The following NAF1 variants were observed in gnomAD, a reference collection of about 807,000 sequenced individuals.
NAF1 encodes the protein nuclear assembly factor 1 ribonucleoprotein.
In NAF1, 11 loss-of-function variants were observed where a neutral mutation model predicts 40.6. That is an observed-to-expected ratio of 0.27 (90% CI 0.17 to 0.45). The LOEUF (loss-of-function observed/expected upper bound fraction) is 0.45. Ranked by LOEUF, NAF1 falls within the 20% of genes least tolerant of loss-of-function variation. The pLI is 1.00. For synonymous variants in NAF1, 260 were observed against 228.5 expected (o/e 1.14, Z -1.24); for missense variants, 607 against 611.1 (o/e 0.99, Z 0.07).
the NAF1 span, among the ~76,000 whole-genome samples, chr4:163,105,004 CT>C: frequency 2.6e-5 from 4 of 152,078 alleles, no homozygotes; most frequent in African/African-American, 9.6e-5. Context: ...CAGTACAAAT[CT>C]TTCTTCATCC....
downstream of NAF1, among the ~76,000 whole-genome samples, chr4:163,107,982 C>T (rs1394811472): frequency 6.6e-6 from 1 of 152,124 alleles, no homozygotes; most frequent in African/African-American, 2.4e-5. Context: ...GGAATTGAAA[C>T]ATCAGAAATA....
At chr4:163,127,135 A>C (rs763787031), downstream of NAF1, 1 of 1,548,078 alleles carries the variant, frequency 6.5e-7, no homozygotes, top group South Asian at 1.2e-5. Context: ...AGAAATGGAC[A>C]GATTTTTACT....
chr4:163,135,183 C>T lies in NAF1; in HGVS notation c.931-1927G>A, dbSNP rs1457929339. ...TTTCTCTTATTTTCCTTTATGCAAG[C>T]TTTCTATTTTCACATCACGCAATGT... is the stretch of plus-strand genomic sequence containing the variant. On this transcript the variant is annotated intron_variant, in intron 6 of 7. Coordinates refer to ENST00000274054, the MANE Select transcript of NAF1 (RefSeq NM_138386.3). 3.9e-5 allele frequency: 6 copies of T among 152,110 alleles called. No homozygotes were observed. In the East Asian group the frequency reaches 9.6e-4, roughly 24 times the overall value. 9.4% of individuals were successfully genotyped at this position (152,110 alleles called of 1,614,324 possible).
At chr4:163,109,247 C>T (rs915468050), downstream of NAF1, among the ~76,000 whole-genome samples, 2 of 149,932 alleles carry the variant, frequency 1.3e-5, no homozygotes, top group African/African-American at 4.9e-5. Flanking sequence ...TCACAAACAA[C>T]TCAAGAATAC....
At chr4:163,152,330 T>A (rs529289831) in intron 2 of NAF1, among the ~76,000 whole-genome samples, 1 of 152,236 alleles carries the variant, frequency 6.6e-6, no homozygotes, top group African/African-American at 2.4e-5. Context: ...AGTTGAGCAG[T>A]TCAGTCTACA....
rs916309258 is a variant in NAF1, at chr4:163,152,110, GAAAC to G, written c.541-3680_541-3677del. On this transcript the variant is annotated intron_variant, in intron 2 of 7. Coordinates refer to ENST00000274054, the MANE Select transcript of NAF1 (RefSeq NM_138386.3). ...TTCCAAATTCCAGAATCTCAAATAT[GAAAC>G]AATTGTGATGACAGTGGACATTGCT... Among the ~76,000 whole-genome samples, 164 of 149,918 alleles carry G rather than the reference GAAAC, an allele frequency of 1.1e-3. 2 individuals carry two copies. Among genetic ancestry groups the G allele is most frequent in the African/African-American group, 3.9e-3 (154 of 39,364 alleles).
intron 2 of NAF1, among the ~76,000 whole-genome samples, chr4:163,110,972 T>C (rs1203062835): frequency 6.6e-6 from 1 of 152,178 alleles, no homozygotes; most frequent in Non-Finnish European, 1.5e-5. Flanking sequence ...TTTCACATAT[T>C]AAACACCGGA....
At chr4:163,146,819 G>A (rs1488679736) in intron 3 of NAF1, among the ~76,000 whole-genome samples, 1 of 152,172 alleles carries the variant, frequency 6.6e-6, no homozygotes, top group African/African-American at 2.4e-5. Context: ...ACAGTAGCAT[G>A]TGCTGATTTT....
At chr4:163,141,817 G>C in intron 4 of NAF1, 1 of 371,552 alleles carries the variant, frequency 2.7e-6, no homozygotes, top group Non-Finnish European at 3.7e-6. Context: ...GAACATGGCT[G>C]TTTTATCACA....
At chr4:163,166,209 C>A (rs1206631518) in intron 1 of NAF1, among the ~76,000 whole-genome samples, 154 bp downstream of exon 1, 1 of 152,206 alleles carries the variant, frequency 6.6e-6, no homozygotes, top group African/African-American at 2.4e-5. Context: ...AAGGGGCAGT[C>A]GGAGCCAATA....
At chr4:163,110,228 G>C in exon 3 of NAF1, 1 of 697,346 alleles carries the variant, frequency 1.4e-6, no homozygotes, top group Non-Finnish European at 2.6e-6. Flanking sequence ...TGAGGATACA[G>C]TACTCTCCCC....
In NAF1 at chr4:163,166,459, G is replaced by A. The variant is rs749658539; in HGVS notation, c.269C>T (p.Pro90Leu). Residue 90 changes from proline to leucine, a missense_variant, in exon 1 of 8, where the codon CCG becomes CTG. This residue lies in a region of NAF1 where 407 missense variants were observed against 365.5 expected (regional missense o/e 1.11). Transcript: ENST00000274054. ...APQPQPPAES[P>L]ACGDCVTSPG... ...GGAGGTGACGCAGTCTCCGCAGGCC[G>A]GCGATTCAGCCGGTGGCTGTGGCTG... is the stretch of plus-strand genomic sequence containing the variant. The A allele has an allele frequency of 5.9e-5, 95 of 1,604,986 alleles. No homozygotes were observed. Among genetic ancestry groups the A allele is most frequent in the Non-Finnish European group, 7.3e-5 (86 of 1,175,850 alleles).
intron 6 of NAF1, chr4:163,135,390 G>A (rs547598193): frequency 2.6e-5 from 4 of 152,300 alleles, no homozygotes; most frequent in African/African-American, 9.6e-5. Flanking sequence ...AACTAGGTGA[G>A]ATGTAATTTT....
chr4:163,152,879 G>A (rs935514548), intron 2 of NAF1, among the ~76,000 whole-genome samples: 7 of 152,334 alleles, frequency 4.6e-5, no homozygotes, highest in South Asian at 4.1e-4. Context: ...GGCTGCGCGC[G>A]GCGCTTGCGG....
chr4:163,165,220 A>C (rs1732401526), intron 1 of NAF1, among the ~76,000 whole-genome samples: 1 of 152,172 alleles, frequency 6.6e-6, no homozygotes, highest in Non-Finnish European at 1.5e-5. Flanking sequence ...CATTATACTA[A>C]CTAAACCTGC....
chr4:163,147,172 A>G (rs1469470894), intron 3 of NAF1, among the ~76,000 whole-genome samples: 1 of 152,166 alleles, frequency 6.6e-6, no homozygotes, highest in African/African-American at 2.4e-5. Flanking sequence ...TTTAATCTAC[A>G]TTTTTATTAA....
intron 7 of NAF1, among the ~76,000 whole-genome samples, chr4:163,131,478 A>G (rs1730871695): frequency 6.6e-6 from 1 of 152,206 alleles, no homozygotes; most frequent in Non-Finnish European, 1.5e-5. Context: ...TTATACTGAA[A>G]GGTAAAGGAC....
chr4:163,137,128 G>A (rs1437359918), intron 6 of NAF1, 71 bp downstream of exon 6: 1 of 1,559,260 alleles, frequency 6.4e-7, no homozygotes, highest in Non-Finnish European at 8.8e-7. Context: ...CTAACAGCAA[G>A]AATGATAAAA....
chr4:163,121,739 G>T (rs973785544), downstream of NAF1, among the ~76,000 whole-genome samples: 1 of 152,058 alleles, frequency 6.6e-6, no homozygotes, highest in African/African-American at 2.4e-5. Flanking sequence ...ACTTATAGAA[G>T]TACATGACTG....
Sources: gnomAD v4.1 joint callset for allele counts (sites outside exome capture counted in the v4.1 genomes callset) on GRCh38, gnomAD v4.1.1 for gene constraint, gnomAD v4.1.1 regional missense constraint, MANE v1.5 for transcripts, NCBI Gene and HGNC (gene_info 2026-07-23, HGNC 2026-07-21) for gene names.